Variants in TATDN3 observed in about 807,000 individuals in gnomAD.
The protein encoded by TATDN3 is deoxyribonuclease TATDN3.
TATDN3 carries 29 observed loss-of-function variants against 40.1 expected under a neutral mutation model. The observed-to-expected ratio is 0.72, with a 90% CI of 0.54 to 0.99. The LOEUF is 0.99. TATDN3 is among the 50% of genes least tolerant of loss of function. The pLI, the probability that TATDN3 is intolerant of heterozygous loss-of-function variation, is 0.00. For missense variants in TATDN3, 309 were observed against 321.9 expected (o/e 0.96, Z 0.31); for synonymous variants, 105 against 117.0 (o/e 0.90, Z 0.66).
rs181829544 is a variant in TATDN3, at chr1:212,803,861, C to T, written c.322-459C>T. Among the ~76,000 whole-genome samples, 92 of 152,004 alleles carry T rather than the reference C, an allele frequency of 6.1e-4. 2 individuals carry two copies. Among genetic ancestry groups the T allele is most frequent in the Admixed American group, 4.8e-3 (73 of 15,230 alleles). On this transcript the variant is annotated intron_variant, in intron 5 of 9. Transcript: ENST00000366974. ...GACCAGCCTGACCAACATGGTAAAA[C>T]CTTGTCTCTACTAAAAACACAAAAA... is the stretch of plus-strand genomic sequence containing the variant.
intron 9 of TATDN3, among the ~76,000 whole-genome samples, chr1:212,814,516 G>T (rs1033472625): frequency 1.2e-4 from 19 of 152,136 alleles, no homozygotes; most frequent in Non-Finnish European, 2.9e-5. Context: ...GAAATATACT[G>T]TATCAATTTC....
At chr1:212,792,246 T>G (rs999350442) in intron 1 of TATDN3, among the ~76,000 whole-genome samples, 1 of 152,160 alleles carries the variant, frequency 6.6e-6, no homozygotes, top group African/African-American at 2.4e-5. Flanking sequence ...AATCGTTCCC[T>G]CACTCCCCTT....
intron 1 of TATDN3, 151 bp downstream of exon 1, chr1:212,792,138 A>G (rs1558072631): frequency 1.3e-6 from 1 of 757,098 alleles, no homozygotes; most frequent in Non-Finnish European, 2.2e-6. Context: ...TCATTTCCCT[A>G]TTCCCTATTT....
intron 5 of TATDN3, 23 bp from the exon 6 acceptor site, chr1:212,804,297 T>G (rs1228764014): frequency 1.9e-6 from 3 of 1,566,492 alleles, no homozygotes; most frequent in Admixed American, 3.4e-5. Flanking sequence ...AAATATGTAA[T>G]ATCTTTTATT....
At chr1:212,812,648 T>C (rs1386706276) in intron 9 of TATDN3, among the ~76,000 whole-genome samples, 1 of 152,238 alleles carries the variant, frequency 6.6e-6, no homozygotes, top group Non-Finnish European at 1.5e-5. Flanking sequence ...GGCAAGCTAC[T>C]TAATCTCTCT....
intron 4 of TATDN3, among the ~76,000 whole-genome samples, chr1:212,799,961 A>G (rs956666660): frequency 3.3e-5 from 5 of 152,204 alleles, no homozygotes; most frequent in Non-Finnish European, 5.9e-5. Flanking sequence ...TGTAGTCCAT[A>G]CTGCAGTTTA....
chr1:212,794,622 T>C (rs1336829008), intron 1 of TATDN3: 5 of 373,280 alleles, frequency 1.3e-5, no homozygotes, highest in Non-Finnish European at 2.6e-5. Context: ...GGCCTCAGCA[T>C]AATGATGATA....
chr1:212,795,330 G>A (rs564402039), intron 2 of TATDN3, among the ~76,000 whole-genome samples: 9 of 151,534 alleles, frequency 5.9e-5, no homozygotes, highest in East Asian at 2.0e-4. Context: ...GAGTGCAGTC[G>A]TGTGATCTTA....
intron 9 of TATDN3, among the ~76,000 whole-genome samples, chr1:212,814,544 A>C (rs1409145137): frequency 6.6e-6 from 1 of 152,230 alleles, no homozygotes; most frequent in African/African-American, 2.4e-5. Flanking sequence ...TTAAAATAGG[A>C]GAGGAAATGC....
At chr1:212,804,801 C>A in intron 7 of TATDN3, 150 bp downstream of exon 7, 1 of 664,836 alleles carries the variant, frequency 1.5e-6, no homozygotes, top group Non-Finnish European at 2.6e-6. Context: ...TGTTGCAGGT[C>A]AGGCTATTGT....
intron 4 of TATDN3, among the ~76,000 whole-genome samples, chr1:212,802,267 AG>A (rs1662216905): frequency 6.6e-6 from 1 of 152,242 alleles, no homozygotes; most frequent in African/African-American, 2.4e-5. Flanking sequence ...GTGCAAAGGA[AG>A]TATGGGATTA....
chr1:212,794,996 T>C (rs1661644610), intron 1 of TATDN3, 99 bp from the exon 2 acceptor site: 1 of 931,334 alleles, frequency 1.1e-6, no homozygotes, highest in East Asian at 2.4e-5. Context: ...GTTGCTATCA[T>C]TGTTATTTTT....
intron 1 of TATDN3, chr1:212,794,866 T>A (rs1661634165): frequency 1.5e-6 from 1 of 645,160 alleles, no homozygotes; most frequent in East Asian, 3.1e-5. Context: ...AGAAATACCC[T>A]GTATATTTGA....
At chr1:212,802,649 G>A in intron 4 of TATDN3, 52 bp from the exon 5 acceptor site, 1 of 1,245,090 alleles carries the variant, frequency 8.0e-7, no homozygotes, top group Admixed American at 1.7e-5. Flanking sequence ...AGGAGCTTGT[G>A]AAATAGCAGT....
rs1553257528 is a variant in TATDN3, at chr1:212,806,781, TATAC to T, written c.488-953_488-950del. Among the ~76,000 whole-genome samples the T allele has an allele frequency of 2.6e-3, 246 of 94,438 alleles. 39 individuals are homozygous for T. Among genetic ancestry groups the T allele is most frequent in the South Asian group, 9.1e-3 (25 of 2,758 alleles). 62.0% of individuals were successfully genotyped at this position (94,438 alleles called of 152,430 possible). ...ATATATATATATATATATATATATA[TATAC>T]ACACACACACACACATATATACACA... On this transcript the variant is annotated intron_variant, in intron 7 of 9. Coordinates refer to ENST00000366974, the MANE Select transcript of TATDN3 (RefSeq NM_001042552.3).
intron 1 of TATDN3, among the ~76,000 whole-genome samples, chr1:212,793,405 A>C (rs1661491527): frequency 6.6e-6 from 1 of 151,948 alleles, no homozygotes; most frequent in African/African-American, 2.4e-5. Context: ...ATAGAGACAG[A>C]GTTTTGCCAT....
At position 212,804,313 on chromosome 1, in the gene TATDN3, GC is replaced by G. The variant is rs745736745; in HGVS notation, c.322-6del. ...AATATGTAATATCTTTTATTTTTCT[GC>G]TCTAGGTTGGACTAGATTTCTCCCC... is the stretch of plus-strand genomic sequence containing the variant. On this transcript the variant is annotated splice_region_variant and splice_polypyrimidine_tract_variant and intron_variant, in intron 5 of 9. Coordinates refer to ENST00000366974, the MANE Select transcript of TATDN3 (RefSeq NM_001042552.3). The G allele has an allele frequency of 1.1e-5, 18 of 1,605,426 alleles. No individual in the cohort carries two copies. The South Asian group carries it at 2.0e-4, about 18-fold the overall frequency.
Position 212,796,591 on chromosome 1 carries a change from G to T in TATDN3, c.173+1G>T. 6.4e-7 allele frequency: 1 copy of T among 1,562,710 alleles called. No homozygotes were observed. Among genetic ancestry groups the T allele is most frequent in the Non-Finnish European group, 8.6e-7 (1 of 1,158,568 alleles). ...AAAAGATTATGCAACTTTCAGAAAGGTGCTACTTTTAATTAAGATTTTAAA... is the reference window on the plus strand; with the variant it reads ...AAAAGATTATGCAACTTTCAGAAAGTTGCTACTTTTAATTAAGATTTTAAA... On this transcript the variant is annotated splice_donor_variant, in intron 3 of 9. Transcript: ENST00000366974. LOFTEE classifies it high-confidence loss of function.
intron 1 of TATDN3, among the ~76,000 whole-genome samples, chr1:212,793,931 G>T (rs529911875): frequency 6.6e-6 from 1 of 152,248 alleles, no homozygotes; most frequent in South Asian, 2.1e-4. Flanking sequence ...TCCAAATGAA[G>T]ATGTCATAAT....
Sources: gnomAD v4.1 joint callset for allele counts (sites outside exome capture counted in the v4.1 genomes callset) on GRCh38, gnomAD v4.1.1 for gene constraint, MANE v1.5 for transcripts, NCBI Gene and HGNC (gene_info 2026-07-23, HGNC 2026-07-21) for gene names.